Variants in FBRSL1 observed in about 807,000 individuals in gnomAD.
The protein encoded by FBRSL1 is fibrosin-1-like protein.
Under a neutral mutation model 89.6 loss-of-function variants are expected in FBRSL1, and 51 were observed. The observed-to-expected ratio is 0.57, with a 90% CI of 0.45 to 0.72. FBRSL1 has a LOEUF of 0.72. Ranked by LOEUF, FBRSL1 falls within the 30% of genes least tolerant of loss-of-function variation. FBRSL1 has a pLI of 0.00. For synonymous variants in FBRSL1, 779 were observed against 681.1 expected (o/e 1.14, Z -2.24); for missense variants, 1,618 against 1,451.8 (o/e 1.11, Z -1.86).
intron 4 of FBRSL1, among the ~76,000 whole-genome samples, chr12:132,538,237 C>T (rs2036928758): frequency 6.6e-6 from 1 of 152,220 alleles, no homozygotes; most frequent in East Asian, 1.9e-4. Context: ...GGGCTCCAGC[C>T]CCACGTTCTC....
intron 1 of FBRSL1, among the ~76,000 whole-genome samples, chr12:132,492,044 G>T (rs577244357): frequency 3.3e-5 from 5 of 152,216 alleles, no homozygotes; most frequent in African/African-American, 1.2e-4. Flanking sequence ...GGATGGCCCT[G>T]GGGCTGTCTT....
At chr12:132,565,406 C>T (rs1289322976) in intron 5 of FBRSL1, 5 of 152,154 alleles carry the variant, frequency 3.3e-5, no homozygotes, top group Non-Finnish European at 7.3e-5. Context: ...TGTAAACAAA[C>T]ATCCATGCAC....
intron 2 of FBRSL1, chr12:132,509,283 G>T: frequency 3.2e-6 from 4 of 1,253,008 alleles, no homozygotes; most frequent in Non-Finnish European, 4.0e-6. Flanking sequence ...GTCCCTCCCA[G>T]CCCCGTCGGC....
chr12:132,491,590 TG>T (rs912020867), intron 1 of FBRSL1, among the ~76,000 whole-genome samples: 2 of 152,222 alleles, frequency 1.3e-5, no homozygotes, highest in African/African-American at 4.8e-5. Context: ...GCACTTACTT[TG>T]GGGGACCCTC....
At chr12:132,580,876 C>T (rs762758159) in intron 15 of FBRSL1, 113 of 985,298 alleles carry the variant, frequency 1.1e-4, no homozygotes, top group Middle Eastern at 5.2e-4. Flanking sequence ...TCCCAGGGCC[C>T]GGGCCCAGGC....
chr12:132,508,116 C>T, intron 1 of FBRSL1, 37 bp from the exon 2 acceptor site: 1 of 1,548,360 alleles, frequency 6.5e-7, no homozygotes, highest in Non-Finnish European at 8.7e-7. Context: ...GCCCTGGGGT[C>T]CCGCCAATTA....
chr12:132,531,685 T>C (rs11831809), intron 4 of FBRSL1, among the ~76,000 whole-genome samples: 1 of 150,626 alleles, frequency 6.6e-6, no homozygotes, highest in Non-Finnish European at 1.5e-5. Context: ...CGTGGCGTTG[T>C]GTGTTGTGCA....
At chr12:132,536,189 C>T (rs1336741064) in intron 4 of FBRSL1, among the ~76,000 whole-genome samples, 2 of 142,796 alleles carry the variant, frequency 1.4e-5, no homozygotes, top group East Asian at 2.2e-4. Flanking sequence ...TGTGTGAGTG[C>T]ACATGTACAT....
At chr12:132,516,427 C>T (rs975677596) in intron 2 of FBRSL1, among the ~76,000 whole-genome samples, 1 of 152,182 alleles carries the variant, frequency 6.6e-6, no homozygotes, top group Non-Finnish European at 1.5e-5. Context: ...TCAGGTGATC[C>T]ACCCACCTCG....
intron 5 of FBRSL1, among the ~76,000 whole-genome samples, chr12:132,562,129 G>A (rs2039180132): frequency 6.6e-6 from 1 of 152,220 alleles, no homozygotes; most frequent in African/African-American, 2.4e-5. Context: ...TCACTGCGTA[G>A]CCTGGGTCAC....
In FBRSL1 at chr12:132,568,194, C is replaced by A. The variant is rs117834193; in HGVS notation, c.691+668C>A. ...GGATCCTGGGATTCCCACACCAAGG[C>A]CTAGGCGGGCAGCATCTCCGGCAGG... is the stretch of plus-strand genomic sequence containing the variant. On this transcript the variant is annotated intron_variant, in intron 6 of 18. Coordinates refer to ENST00000680143, the MANE Select transcript of FBRSL1 (RefSeq NM_001367871.1). Among the ~76,000 whole-genome samples, 499 of 152,346 alleles carry A rather than the reference C, an allele frequency of 3.3e-3. 15 individuals are homozygous for A. In the East Asian group the frequency reaches 0.083, roughly 25 times the overall value.
rs778805622 is a variant in FBRSL1 at position 132,511,760 on chromosome 12, C to G, written c.489+3410C>G. 375 of 985,416 alleles carry G rather than the reference C, an allele frequency of 3.8e-4. 1 individual carries two copies. The highest frequency in any genetic ancestry group is 4.1e-4 in the Non-Finnish European group (339 of 829,954). The allele number at this position is 985,416 out of a possible 1,614,324, so 61.0% of individuals were successfully genotyped here. On this transcript the variant is annotated intron_variant, in intron 2 of 18. Coordinates refer to ENST00000680143, the MANE Select transcript of FBRSL1 (RefSeq NM_001367871.1). ...CACCCCGCACTTGCTCATGAGGACC[C>G]CACCCCCGCAGGCCCTCCCGGGTCC... is the stretch of plus-strand genomic sequence containing the variant.
chr12:132,536,673 C>G (rs1043487012), intron 4 of FBRSL1, among the ~76,000 whole-genome samples: 1 of 149,510 alleles, frequency 6.7e-6, no homozygotes, highest in East Asian at 2.0e-4. Context: ...GCCATGTGTA[C>G]ATGACGTGTG....
At chr12:132,492,256 C>G (rs1281748559) in intron 1 of FBRSL1, among the ~76,000 whole-genome samples, 1 of 152,190 alleles carries the variant, frequency 6.6e-6, no homozygotes, top group Non-Finnish European at 1.5e-5. Flanking sequence ...TGTACCCTGC[C>G]GTTCTCTGTC....
chr12:132,571,413 T>TCAGCAC, intron 9 of FBRSL1, 182 bp downstream of exon 9: 1 of 1,550,868 alleles, frequency 6.4e-7, no homozygotes, highest in Non-Finnish European at 8.7e-7. Flanking sequence ...CGGAGTTCCA[T>TCAGCAC]CAGCACCAGC....
At chr12:132,537,657 GC>G in intron 4 of FBRSL1, among the ~76,000 whole-genome samples, 1 of 152,284 alleles carries the variant, frequency 6.6e-6, no homozygotes, top group East Asian at 1.9e-4. Flanking sequence ...TTGAGGACTG[GC>G]CCCCAGCACC....
At chr12:132,498,272 T>TGGGATGTGACAGCAGTC (rs2032384248) in intron 1 of FBRSL1, among the ~76,000 whole-genome samples, 2 of 152,062 alleles carry the variant, frequency 1.3e-5, no homozygotes, top group Admixed American at 1.3e-4. Context: ...GGGGCTGTGT[T>TGGGATGTGACAGCAGTC]GGGATGTGAC....
rs2040961690 is a variant in FBRSL1, at chr12:132,583,751, A to C, written c.2982A>C (p.Arg994=). ...AGGCGCGCGACTACTCCCCGTCCCG[A>C]AATCCCCCGGAGGTGGAGGCGCGGT... The part of the protein sequence containing the change: ...PGEARDYSPS[R]NPPEVEAR Residue 994 remains arginine, a synonymous_variant, in exon 19 of 19, where the codon CGA becomes CGC. Coordinates refer to ENST00000680143, the MANE Select transcript of FBRSL1 (RefSeq NM_001367871.1). 8.2e-7 allele frequency: 1 copy of C among 1,215,586 alleles called. No individual in the cohort carries two copies. Among genetic ancestry groups the C allele is most frequent in the Non-Finnish European group, 1.0e-6 (1 of 977,602 alleles). The allele number at this position is 1,215,586 out of a possible 1,614,324, so 75.3% of individuals were successfully genotyped here. A position where few individuals can be genotyped will look rare whatever the true frequency, so the allele number is the denominator to read the frequency against.
At chr12:132,568,753 G>T (rs551634276) in intron 6 of FBRSL1, among the ~76,000 whole-genome samples, 1 of 152,250 alleles carries the variant, frequency 6.6e-6, no homozygotes, top group East Asian at 1.9e-4. Context: ...AAAGCCGGTG[G>T]AGATAGTGCC....
Sources: gnomAD v4.1 joint callset for allele counts (sites outside exome capture counted in the v4.1 genomes callset) on GRCh38, gnomAD v4.1.1 for gene constraint, MANE v1.5 for transcripts, NCBI Gene and HGNC (gene_info 2026-07-23, HGNC 2026-07-21) for gene names.